The following CSMD1 variants were observed in gnomAD, a reference collection of about 807,000 sequenced individuals.
CSMD1 encodes the protein CUB and Sushi multiple domains 1.
Under a neutral mutation model 417.5 loss-of-function variants are expected in CSMD1, and 213 were observed. That is an observed-to-expected ratio of 0.51 (90% CI 0.46 to 0.57). CSMD1 has a LOEUF of 0.57. Among genes scored for constraint, CSMD1 ranks in the 20% least tolerant of loss-of-function variants. The probability of loss-of-function intolerance (pLI) is 0.00; values close to 1 mark genes in which losing one functional copy is unlikely to be tolerated. For synonymous variants in CSMD1, 2,862 were observed against 1,736.8 expected (o/e 1.65, Z -16.11); for missense variants, 6,923 against 4,529.7 (o/e 1.53, Z -15.17).
chr8:4,253,936 A>C (rs1179775136), intron 3 of CSMD1, among the ~76,000 whole-genome samples: 1 of 72,588 alleles, frequency 1.4e-5, no homozygotes, highest in African/African-American at 6.3e-5. Flanking sequence ...TTTTTTTTTG[A>C]GATGGAGTCT....
intron 3 of CSMD1, among the ~76,000 whole-genome samples, chr8:4,239,016 T>C (rs10098572): frequency 0.44 from 66,269 of 152,014 alleles, 15,942 homozygotes; most frequent in Non-Finnish European, 0.56. Context: ...CAGGATTAGG[T>C]TCGAAAATCT....
intron 1 of CSMD1, among the ~76,000 whole-genome samples, chr8:4,701,180 C>T (rs541757939): frequency 2.6e-5 from 4 of 152,004 alleles, no homozygotes; most frequent in Non-Finnish European, 5.9e-5. Context: ...GGGGAGAGTC[C>T]GTCCGCTGTG....
intron 6 of CSMD1, among the ~76,000 whole-genome samples, chr8:3,753,165 G>T (rs143067142): frequency 3.3e-5 from 5 of 152,264 alleles, no homozygotes; most frequent in Admixed American, 6.5e-5. Flanking sequence ...CGTTCTCATC[G>T]TCACAATGTG....
intron 2 of CSMD1, among the ~76,000 whole-genome samples, chr8:4,501,889 G>T (rs1354435141): frequency 6.6e-6 from 1 of 152,140 alleles, no homozygotes; most frequent in Non-Finnish European, 1.5e-5. Context: ...CTTTGGTGCT[G>T]TCAAAGGTAT....
At chr8:4,816,993 A>G (rs1169556777) in intron 1 of CSMD1, among the ~76,000 whole-genome samples, 2 of 152,202 alleles carry the variant, frequency 1.3e-5, no homozygotes, top group East Asian at 1.9e-4. Context: ...CACCAAACAC[A>G]GATAAGAGCA....
chr8:4,365,236 A>C (rs911533330), intron 3 of CSMD1, among the ~76,000 whole-genome samples: 3 of 152,210 alleles, frequency 2.0e-5, no homozygotes, highest in Admixed American at 2.0e-4. Flanking sequence ...GTTAATGCTT[A>C]AGTAGTTTGG....
At chr8:4,901,797 T>C (rs575607762) in intron 1 of CSMD1, among the ~76,000 whole-genome samples, 12 of 152,278 alleles carry the variant, frequency 7.9e-5, no homozygotes, top group African/African-American at 2.4e-4. Flanking sequence ...GGAGGCACAA[T>C]TGTGATTACA....
intron 3 of CSMD1, among the ~76,000 whole-genome samples, chr8:4,081,289 T>C (rs1800117080): frequency 6.6e-6 from 1 of 152,220 alleles, no homozygotes. Flanking sequence ...TCTCGTCTCC[T>C]AGCAGGTAAG....
intron 40 of CSMD1, among the ~76,000 whole-genome samples, chr8:3,149,613 G>A (rs909298177): frequency 2.0e-5 from 3 of 152,188 alleles, no homozygotes; most frequent in African/African-American, 7.2e-5. Flanking sequence ...AAGTAGTTGG[G>A]ATTACAAGCA....
At chr8:4,861,068 T>C (rs1020350174) in intron 1 of CSMD1, among the ~76,000 whole-genome samples, 6 of 152,260 alleles carry the variant, frequency 3.9e-5, no homozygotes, top group African/African-American at 1.4e-4. Flanking sequence ...CCTTTTGTTC[T>C]AAAGCTCCAG....
At chr8:3,104,144 C>A (rs945814350) in intron 46 of CSMD1, among the ~76,000 whole-genome samples, 8 of 152,140 alleles carry the variant, frequency 5.3e-5, no homozygotes, top group Admixed American at 6.6e-5. Flanking sequence ...TTCTGAGAAA[C>A]TTGAGGCTTT....
chr8:3,387,281 T>A (rs181144102), intron 18 of CSMD1, among the ~76,000 whole-genome samples: 3 of 152,212 alleles, frequency 2.0e-5, no homozygotes, highest in Non-Finnish European at 2.9e-5. Flanking sequence ...GGGGATAAAG[T>A]TGAAGGACAG....
chr8:3,358,258 A>T (rs1057421502), intron 21 of CSMD1, among the ~76,000 whole-genome samples: 2 of 152,152 alleles, frequency 1.3e-5, no homozygotes, highest in African/African-American at 2.4e-5. Flanking sequence ...ATTAAGGAGA[A>T]CCTTGGTTAA....
intron 3 of CSMD1, among the ~76,000 whole-genome samples, chr8:4,227,808 CCCA>C (rs1409143129): frequency 1.3e-5 from 2 of 150,770 alleles, no homozygotes; most frequent in African/African-American, 4.9e-5. Context: ...TACAGTCAAC[CCCA>C]CACCAGGAGA....
chr8:4,385,810 C>G (rs998517476), intron 3 of CSMD1, among the ~76,000 whole-genome samples: 4 of 152,092 alleles, frequency 2.6e-5, no homozygotes, highest in Admixed American at 6.5e-5. Flanking sequence ...TGTCTCATAG[C>G]TTAAAAATTA....
At chr8:3,961,730 G>A (rs1812339444) in intron 5 of CSMD1, among the ~76,000 whole-genome samples, 1 of 152,186 alleles carries the variant, frequency 6.6e-6, no homozygotes, top group South Asian at 2.1e-4. Flanking sequence ...AGCATTTCCT[G>A]CGTATGTAGT....
At chr8:4,006,467 T>C (rs1333298076) in intron 4 of CSMD1, among the ~76,000 whole-genome samples, 3 of 152,080 alleles carry the variant, frequency 2.0e-5, no homozygotes, top group Non-Finnish European at 1.5e-5. Flanking sequence ...TCGCTTGAAC[T>C]TGGGAGGCAG....
intron 5 of CSMD1, among the ~76,000 whole-genome samples, chr8:3,792,917 G>C (rs1337063257): frequency 6.6e-6 from 1 of 152,088 alleles, no homozygotes; most frequent in Non-Finnish European, 1.5e-5. Context: ...TTACCGTTAG[G>C]GTCTTTTTCC....
chr8:3,467,986 C>A (rs924831447), intron 12 of CSMD1, among the ~76,000 whole-genome samples: 6 of 152,174 alleles, frequency 3.9e-5, no homozygotes, highest in Non-Finnish European at 8.8e-5. Flanking sequence ...TAAACACATA[C>A]ACATCTATCG....
Sources: gnomAD v4.1 joint callset for allele counts (sites outside exome capture counted in the v4.1 genomes callset) on GRCh38, gnomAD v4.1.1 for gene constraint, MANE v1.5 for transcripts, NCBI Gene and HGNC (gene_info 2026-07-23, HGNC 2026-07-21) for gene names.